The following AURKA variants were observed in gnomAD, a reference collection of about 807,000 sequenced individuals.
AURKA encodes the protein aurora kinase A.
A neutral mutation model predicts 40.9 loss-of-function variants in AURKA; 12 were observed. That is an observed-to-expected ratio of 0.29 (90% CI 0.19 to 0.48). AURKA has a LOEUF of 0.48. Ranked by LOEUF, AURKA falls within the 20% of genes least tolerant of loss-of-function variation. The pLI is 0.99. For missense variants in AURKA, 322 were observed against 462.1 expected, an observed-to-expected ratio of 0.70 and a Z score of 2.78; for synonymous variants, 170 against 164.3, an observed-to-expected ratio of 1.03 and a Z score of -0.26.
intron 1 of AURKA, among the ~76,000 whole-genome samples, chr20:56,389,842 A>G (rs1247713127): frequency 6.6e-6 from 1 of 152,148 alleles, no homozygotes; most frequent in East Asian, 1.9e-4. Context: ...CATTTAATCC[A>G]CCAGCATATT....
intron 2 of AURKA, among the ~76,000 whole-genome samples, 163 bp from the exon 3 acceptor site, chr20:56,386,696 T>C (rs6099125): frequency 1.3e-5 from 2 of 152,174 alleles, no homozygotes; most frequent in South Asian, 4.1e-4. Context: ...CAGAGGATAG[T>C]TAGTATGTGG....
At chr20:56,386,225 G>A (rs2146203502) in intron 3 of AURKA, 32 bp downstream of exon 3, 1 of 1,613,684 alleles carries the variant, frequency 6.2e-7, no homozygotes, top group South Asian at 1.1e-5. Context: ...GACAAAGAAG[G>A]ACTATCCAAT....
At chr20:56,381,696 A>C (rs1985733712) in intron 5 of AURKA, 125 bp from the exon 6 acceptor site, 1 of 1,189,400 alleles carries the variant, frequency 8.4e-7, no homozygotes, top group Non-Finnish European at 1.2e-6. Context: ...TCCAAACCCC[A>C]CTTTAGAATC....
At chr20:56,374,072 T>C (rs1984621401) in intron 6 of AURKA, among the ~76,000 whole-genome samples, 1 of 151,244 alleles carries the variant, frequency 6.6e-6, no homozygotes, top group African/African-American at 2.4e-5. Context: ...CAATTTATAG[T>C]GGTTAGCATG....
intron 3 of AURKA, 114 bp from the exon 4 acceptor site, chr20:56,384,438 A>G: frequency 2.5e-6 from 2 of 791,116 alleles, no homozygotes; most frequent in Middle Eastern, 3.6e-4. Context: ...TATGTCAAGA[A>G]TGATAAATCT....
chr20:56,375,706 C>A lies in AURKA; in HGVS notation c.706-2150G>T, dbSNP rs543752942. Among the ~76,000 whole-genome samples the A allele has an allele frequency of 2.6e-5, 4 of 152,338 alleles. No individual in the cohort carries two copies. The East Asian group carries it at 7.7e-4, about 29-fold the overall frequency. On this transcript the variant is annotated intron_variant, in intron 6 of 8. Transcript: ENST00000395915. The stretch of plus-strand genomic sequence containing the variant: ...GAAGGCAAATACAAAGAAAGCTGCT[C>A]TTCTGACCACCAACTTTGAGTTGCT...
chr20:56,373,590 AT>A lies in AURKA; in HGVS notation c.706-35del. The A allele has an allele frequency of 6.2e-7, 1 of 1,603,240 alleles. No individual in the cohort carries two copies. The highest frequency in any genetic ancestry group is 8.5e-7 in the Non-Finnish European group (1 of 1,170,248). On this transcript the variant is annotated intron_variant, in intron 6 of 8. Transcript: ENST00000395915. The surrounding 1 kb of genome is among the most constrained non-coding windows in gnomAD (Gnocchi z 5.0). Reference sequence around the variant, plus strand: ...ACAATATTGAAAGCCTATGTTTTAGATTTTATATAACACAAGTTAATATTAG... The same window carrying A: ...ACAATATTGAAAGCCTATGTTTTAGATTTATATAACACAAGTTAATATTAG...
rs200982776 is a variant in AURKA at position 56,386,525 on chromosome 20, A to G, written c.51T>C (p.Ala17=). 58 of 1,614,112 alleles carry G rather than the reference A, an allele frequency of 3.6e-5. No homozygotes were observed. Among genetic ancestry groups the G allele is most frequent in the Middle Eastern group, 1.6e-4 (1 of 6,084 alleles). The change falls in exon 3 of 9, where the codon GCT becomes GCC. Residue 17 remains alanine (A), a synonymous_variant. Coordinates refer to ENST00000395915, the MANE Select transcript of AURKA (RefSeq NM_198437.3). ...GAACACGTTTTGGACCTCCAACTGG[A>G]GCTGTAGCCTAGAATGGAAGAGAAA... ...NCISGPVKAT[A]PVGGPKRVLV...
intron 6 of AURKA, among the ~76,000 whole-genome samples, chr20:56,378,319 C>T (rs1985217378): frequency 6.6e-6 from 1 of 152,168 alleles, no homozygotes; most frequent in African/African-American, 2.4e-5. Context: ...AATTAGAGTG[C>T]TTATGTGCAC....
rs936357846 is a variant in AURKA at position 56,392,212 on chromosome 20, A to C, written c.-50T>G. The C allele has an allele frequency of 1.3e-5, 2 of 152,256 alleles. No individual in the cohort carries two copies. The highest frequency in any genetic ancestry group is 4.8e-5 in the African/African-American group (2 of 41,442). The allele number at this position is 152,256 out of a possible 1,614,324, so 9.4% of individuals were successfully genotyped here. A position where few individuals can be genotyped will look rare whatever the true frequency, so the allele number is the denominator to read the frequency against. ...GTCTTCCAAGAGCTCAGCCGTTAGA[A>C]TTCAAAGGTTCTTCTTTTTAAATAG... is the stretch of plus-strand genomic sequence containing the variant. On this transcript the variant is annotated 5_prime_UTR_variant, in exon 1 of 9. Coordinates refer to ENST00000395915, the MANE Select transcript of AURKA (RefSeq NM_198437.3).
In AURKA at chr20:56,369,446, A is replaced by G. The variant is rs984523063; in HGVS notation, c.*712T>C. ...AGTTTACACACATGCTATGACTCCA[A>G]TGTTTTAAAAAAATAAGCCCTTAAC... is the stretch of plus-strand genomic sequence containing the variant. On this transcript the variant is annotated 3_prime_UTR_variant, in exon 9 of 9. Coordinates refer to ENST00000395915, the MANE Select transcript of AURKA (RefSeq NM_198437.3). The G allele has an allele frequency of 1.7e-5, 4 of 235,344 alleles. No homozygotes were observed. Among genetic ancestry groups the G allele is most frequent in the South Asian group, 1.7e-4 (1 of 5,820 alleles). The allele number at this position is 235,344 out of a possible 1,614,324, so 14.6% of individuals were successfully genotyped here.
intron 7 of AURKA, among the ~76,000 whole-genome samples, chr20:56,371,359 G>T (rs1221428146): frequency 6.6e-6 from 1 of 151,916 alleles, no homozygotes; most frequent in Non-Finnish European, 1.5e-5. Flanking sequence ...CTACTCAGGA[G>T]GCTGAGGCAG....
intron 6 of AURKA, among the ~76,000 whole-genome samples, chr20:56,378,600 T>C (rs1018356294): frequency 5.3e-5 from 8 of 152,194 alleles, no homozygotes; most frequent in Non-Finnish European, 1.2e-4. Context: ...AGCCAAAACA[T>C]GATAACTGCC....
At chr20:56,374,477 CAG>C (rs1984669455) in intron 6 of AURKA, among the ~76,000 whole-genome samples, 1 of 152,082 alleles carries the variant, frequency 6.6e-6, no homozygotes, top group Non-Finnish European at 1.5e-5. Flanking sequence ...GAACAATAAA[CAG>C]AAACTAAAAA....
In AURKA at chr20:56,370,092, C is replaced by T. The variant is rs2146117236; in HGVS notation, c.*66G>A. The T allele has an allele frequency of 6.3e-7, 1 of 1,578,724 alleles. No individual in the cohort carries two copies. The highest frequency in any genetic ancestry group is 8.7e-7 in the Non-Finnish European group (1 of 1,149,910). On this transcript the variant is annotated 3_prime_UTR_variant, in exon 9 of 9. Coordinates refer to ENST00000395915, the MANE Select transcript of AURKA (RefSeq NM_198437.3). ...CAGCAGTCAATGGTAAAATAAACTTCAGTAGCATGTTCCTGTCAGGTTATA... is the reference window on the plus strand; with the variant it reads ...CAGCAGTCAATGGTAAAATAAACTTTAGTAGCATGTTCCTGTCAGGTTATA...
chr20:56,376,488 A>G (rs954939454), intron 6 of AURKA, among the ~76,000 whole-genome samples: 12 of 152,228 alleles, frequency 7.9e-5, no homozygotes, highest in African/African-American at 2.7e-4. Context: ...ATTTGTCCAT[A>G]GTAGCATGAT....
chr20:56,382,299 G>A (rs1034968172), intron 5 of AURKA, among the ~76,000 whole-genome samples: 1 of 152,216 alleles, frequency 6.6e-6, no homozygotes, highest in Non-Finnish European at 1.5e-5. Context: ...GCAGACTGTG[G>A]CCAGCGGGAA....
chr20:56,375,895 G>A (rs935608931), intron 6 of AURKA, among the ~76,000 whole-genome samples: 4 of 152,220 alleles, frequency 2.6e-5, no homozygotes, highest in Admixed American at 2.0e-4. Flanking sequence ...TCACTGACAT[G>A]TCACTACAAT....
chr20:56,382,233 G>C (rs1985810098), intron 5 of AURKA, among the ~76,000 whole-genome samples: 1 of 152,058 alleles, frequency 6.6e-6, no homozygotes, highest in Admixed American at 6.6e-5. Flanking sequence ...CACTGTGACA[G>C]ATAAAAGCAG....
Sources: allele counts gnomAD v4.1 joint callset (sites outside exome capture counted in the v4.1 genomes callset), GRCh38; gene constraint gnomAD v4.1.1; non-coding constraint Gnocchi (gnomAD v3.1); transcripts MANE v1.5; gene names NCBI Gene and HGNC (gene_info 2026-07-23, HGNC 2026-07-21).